The following SHISA6 variants were observed in gnomAD, a reference collection of about 807,000 sequenced individuals.
The protein encoded by SHISA6 is shisa family member 6, also known as protein shisa-6.
SHISA6 carries 22 observed loss-of-function variants against 47.9 expected under a neutral mutation model. That is an observed-to-expected ratio of 0.46 (90% confidence interval 0.33 to 0.66). SHISA6 has a LOEUF of 0.66. Ranked by LOEUF, SHISA6 falls within the 30% of genes least tolerant of loss-of-function variation. SHISA6 has a pLI of 0.02. For synonymous variants in SHISA6, 388 were observed against 337.8 expected (o/e 1.15, Z -1.63); for missense variants, 680 against 764.6 (o/e 0.89, Z 1.30).
intron 2 of SHISA6, among the ~76,000 whole-genome samples, chr17:11,356,455 A>G (rs1036224468): frequency 5.3e-5 from 8 of 152,170 alleles, no homozygotes; most frequent in Non-Finnish European, 7.3e-5. Context: ...AGTTCCCTCT[A>G]CGCACTTTGG....
chr17:11,410,906 T>C (rs1016629769), intron 3 of SHISA6, among the ~76,000 whole-genome samples: 1 of 152,204 alleles, frequency 6.6e-6, no homozygotes, highest in Non-Finnish European at 1.5e-5. Context: ...GTCTAGCCTG[T>C]TTCTTAGTAT....
intron 2 of SHISA6, among the ~76,000 whole-genome samples, chr17:11,374,068 A>T (rs895512770): frequency 6.6e-6 from 1 of 152,194 alleles, no homozygotes; most frequent in Non-Finnish European, 1.5e-5. Context: ...AGGCTCAGGC[A>T]TTTTAATTTT....
chr17:11,319,832 T>C (rs1424499849), intron 2 of SHISA6, among the ~76,000 whole-genome samples: 1 of 152,234 alleles, frequency 6.6e-6, no homozygotes, highest in Non-Finnish European at 1.5e-5. Context: ...CTTTTCCTTA[T>C]CAGTTCGGTT....
chr17:11,361,871 C>G (rs563192710), intron 2 of SHISA6, among the ~76,000 whole-genome samples: 245 of 152,208 alleles, frequency 1.6e-3, no homozygotes, highest in African/African-American at 5.7e-3. Flanking sequence ...ACAACAGAGG[C>G]GGAATTCTAT....
chr17:11,410,616 A>C (rs928807115), intron 3 of SHISA6, among the ~76,000 whole-genome samples: 6 of 121,886 alleles, frequency 4.9e-5, no homozygotes, highest in African/African-American at 1.2e-4. Context: ...TGATAGTGTC[A>C]CTATGGATAT....
rs77139282 is a variant in SHISA6, at chr17:11,470,230, A to T, written c.896-81666A>T. On this transcript the variant is annotated intron_variant, in intron 3 of 5. Coordinates refer to ENST00000441885, the MANE Select transcript of SHISA6 (RefSeq NM_207386.4). Reference sequence around the variant, plus strand: ...CTGTAGCCGACTAGTCACTCATCCCAGGTCTGTCAAGGTTCCAACTTAGAG... The same window carrying T: ...CTGTAGCCGACTAGTCACTCATCCCTGGTCTGTCAAGGTTCCAACTTAGAG... 8.2e-4 allele frequency among the ~76,000 whole-genome samples: 125 copies of T among 152,312 alleles called. 2 individuals carry two copies. The East Asian group carries it at 0.022, about 27-fold the overall frequency.
At chr17:11,414,103 T>A (rs1251194368) in intron 3 of SHISA6, among the ~76,000 whole-genome samples, 1 of 151,192 alleles carries the variant, frequency 6.6e-6, no homozygotes, top group African/African-American at 2.4e-5. Context: ...CCATTGCTCC[T>A]CCTTTCCCTC....
chr17:11,458,159 A>G (rs1915598376), intron 3 of SHISA6, among the ~76,000 whole-genome samples: 1 of 152,118 alleles, frequency 6.6e-6, no homozygotes, highest in African/African-American at 2.4e-5. Flanking sequence ...ATTGCCTTAA[A>G]TACTTCACCA....
intron 2 of SHISA6, among the ~76,000 whole-genome samples, chr17:11,371,947 T>G (rs2142238487): frequency 6.6e-6 from 1 of 151,496 alleles, no homozygotes; most frequent in South Asian, 2.1e-4. Flanking sequence ...CAGAAAAAAA[T>G]TATTGTTGGT....
chr17:11,320,666 AAAAAGAG>A (rs1162014194), intron 2 of SHISA6, among the ~76,000 whole-genome samples: 3 of 79,338 alleles, frequency 3.8e-5, no homozygotes, highest in Admixed American at 1.1e-4. Context: ...CACCAAAAAA[AAAAAGAG>A]AGAGAGAGAG....
chr17:11,431,146 C>A (rs541134173), intron 3 of SHISA6, among the ~76,000 whole-genome samples: 5 of 152,270 alleles, frequency 3.3e-5, no homozygotes, highest in Non-Finnish European at 5.9e-5. Context: ...CTTCTCATGT[C>A]CCCCCTGAGT....
At chr17:11,340,217 A>G (rs534272064) in intron 2 of SHISA6, among the ~76,000 whole-genome samples, 100 of 152,336 alleles carry the variant, frequency 6.6e-4, no homozygotes, top group African/African-American at 2.4e-3. Context: ...ATCTGTCACT[A>G]TGTAACAGAC....
intron 3 of SHISA6, among the ~76,000 whole-genome samples, chr17:11,396,749 G>C (rs553442983): frequency 6.5e-4 from 99 of 152,252 alleles, no homozygotes; most frequent in African/African-American, 2.3e-3. Context: ...TTGGGGGTTG[G>C]GGGGCAAGGG....
At chr17:11,443,577 T>C (rs1915149714) in intron 3 of SHISA6, among the ~76,000 whole-genome samples, 1 of 152,214 alleles carries the variant, frequency 6.6e-6, no homozygotes, top group South Asian at 2.1e-4. Context: ...ACACTTTTTG[T>C]GCGTCAGTTT....
intron 1 of SHISA6, among the ~76,000 whole-genome samples, chr17:11,242,566 C>T (rs1907409363): frequency 6.6e-6 from 1 of 152,088 alleles, no homozygotes; most frequent in Non-Finnish European, 1.5e-5. Context: ...ATGCCTCCTG[C>T]CGGAAGTAGG....
At chr17:11,269,873 A>G (rs1457694137) in intron 2 of SHISA6, among the ~76,000 whole-genome samples, 1 of 152,236 alleles carries the variant, frequency 6.6e-6, no homozygotes, top group Non-Finnish European at 1.5e-5. Flanking sequence ...CACAAAAGCG[A>G]GACAATTTTA....
intron 2 of SHISA6, among the ~76,000 whole-genome samples, chr17:11,265,819 C>T (rs542255262): frequency 1.8e-4 from 27 of 152,266 alleles, no homozygotes; most frequent in Non-Finnish European, 3.1e-4. Flanking sequence ...CCCTTAAATA[C>T]CCTTCACAGG....
At chr17:11,304,837 C>G (rs1007871165) in intron 2 of SHISA6, among the ~76,000 whole-genome samples, 3 of 152,120 alleles carry the variant, frequency 2.0e-5, no homozygotes, top group Non-Finnish European at 2.9e-5. Flanking sequence ...CCAGGCAGGT[C>G]TCACTGCGCT....
intron 3 of SHISA6, among the ~76,000 whole-genome samples, chr17:11,423,579 A>T (rs1419621166): frequency 6.6e-6 from 1 of 152,070 alleles, no homozygotes; most frequent in Non-Finnish European, 1.5e-5. Context: ...TCTGACAGTG[A>T]TATTCCCAGG....
Sources: gnomAD v4.1 joint callset for allele counts (sites outside exome capture counted in the v4.1 genomes callset) on GRCh38, gnomAD v4.1.1 for gene constraint, MANE v1.5 for transcripts, NCBI Gene and HGNC (gene_info 2026-07-23, HGNC 2026-07-21) for gene names.